Variants in KCNJ6 observed in about 807,000 individuals in gnomAD.
The protein encoded by KCNJ6 is G protein-activated inward rectifier potassium channel 2.
A neutral mutation model predicts 34.2 loss-of-function variants in KCNJ6; 9 were observed. The observed-to-expected ratio is 0.26, with a 90% CI of 0.16 to 0.46. The LOEUF (loss-of-function observed/expected upper bound fraction) is 0.46, where lower values mean the gene tolerates loss of function less well. Ranked by LOEUF, KCNJ6 falls within the 20% of genes least tolerant of loss-of-function variation. KCNJ6 has a pLI of 1.00. For missense variants in KCNJ6, 236 were observed against 531.3 expected, an observed-to-expected ratio of 0.44 and a Z score of 5.46; for synonymous variants, 196 against 207.1, an observed-to-expected ratio of 0.95 and a Z score of 0.46.
chr21:37,796,186 G>A (rs768721055), intron 2 of KCNJ6, among the ~76,000 whole-genome samples: 83 of 152,282 alleles, frequency 5.5e-4, no homozygotes, highest in Non-Finnish European at 1.1e-3. Context: ...CTGCGTGGAG[G>A]TGAAAAGGCG....
chr21:37,804,606 G>A (rs1274243437), intron 2 of KCNJ6, among the ~76,000 whole-genome samples: 1 of 152,024 alleles, frequency 6.6e-6, no homozygotes, highest in East Asian at 1.9e-4. Context: ...CTCCAGTAGA[G>A]GTTGTTCCCC....
At chr21:37,770,552 A>G (rs912800029) in intron 2 of KCNJ6, among the ~76,000 whole-genome samples, 1 of 152,188 alleles carries the variant, frequency 6.6e-6, no homozygotes, top group Non-Finnish European at 1.5e-5. Context: ...ATCTCTTAGT[A>G]CTATCAAGCC....
intron 1 of KCNJ6, among the ~76,000 whole-genome samples, chr21:37,893,267 G>A (rs1440897065): frequency 2.0e-5 from 3 of 151,874 alleles, no homozygotes; most frequent in African/African-American, 7.3e-5. Flanking sequence ...GAGTACAGTG[G>A]TGTGATCGCG....
At chr21:37,768,838 T>G (rs567673394) in intron 2 of KCNJ6, among the ~76,000 whole-genome samples, 1 of 152,304 alleles carries the variant, frequency 6.6e-6, no homozygotes, top group East Asian at 1.9e-4. Context: ...CACAAGTAAA[T>G]GGCAAAACGT....
intron 3 of KCNJ6, among the ~76,000 whole-genome samples, chr21:37,664,424 T>C (rs959498007): frequency 1.3e-5 from 2 of 152,078 alleles, no homozygotes; most frequent in Non-Finnish European, 2.9e-5. Context: ...GTAAGTGAAA[T>C]TGACCAATCC....
intron 2 of KCNJ6, among the ~76,000 whole-genome samples, chr21:37,819,799 CT>C (rs60678115): frequency 1.7e-4 from 26 of 148,610 alleles, no homozygotes; most frequent in South Asian, 1.1e-3. Context: ...GTTAAATACA[CT>C]TTTTTTTTTT....
At chr21:37,845,081 C>T (rs2055499911) in intron 1 of KCNJ6, among the ~76,000 whole-genome samples, 1 of 152,166 alleles carries the variant, frequency 6.6e-6, no homozygotes, top group Non-Finnish European at 1.5e-5. Flanking sequence ...TCCCCCATCC[C>T]TTACTCCCGC....
intron 3 of KCNJ6, among the ~76,000 whole-genome samples, chr21:37,666,316 G>A (rs944491925): frequency 6.6e-6 from 1 of 152,158 alleles, no homozygotes. Flanking sequence ...GCTGACCTGA[G>A]GCTGAGCTGA....
chr21:37,769,725 C>G (rs1399518718), intron 2 of KCNJ6, among the ~76,000 whole-genome samples: 2 of 152,146 alleles, frequency 1.3e-5, no homozygotes, highest in East Asian at 3.9e-4. Context: ...GGTGTTGAAA[C>G]TTAATGGCCA....
chr21:37,701,395 TTG>T (rs71198889), intron 3 of KCNJ6, among the ~76,000 whole-genome samples: 1 of 151,506 alleles, frequency 6.6e-6, no homozygotes, highest in African/African-American at 2.4e-5. Context: ...GGTTAACTTT[TTG>T]TGTGTGTGTG....
intron 1 of KCNJ6, among the ~76,000 whole-genome samples, chr21:37,859,638 C>T (rs1484949047): frequency 6.7e-6 from 1 of 150,368 alleles, no homozygotes; most frequent in Non-Finnish European, 1.5e-5. Flanking sequence ...TGTACTGTAT[C>T]TCAGTGGTAG....
intron 2 of KCNJ6, among the ~76,000 whole-genome samples, chr21:37,833,368 T>C (rs942782149): frequency 1.3e-5 from 2 of 152,158 alleles, no homozygotes; most frequent in Admixed American, 1.3e-4. Context: ...CTGGTGACCA[T>C]ACATCCTCCT....
rs188730249 is a variant in KCNJ6, at chr21:37,675,171, C to A, written c.946+39040G>T. Among the ~76,000 whole-genome samples the A allele has an allele frequency of 6.6e-6, 1 of 152,172 alleles. No individual in the cohort carries two copies. The highest frequency in any genetic ancestry group is 2.4e-5 in the African/African-American group (1 of 41,428). On this transcript the variant is annotated intron_variant, in intron 3 of 3. Transcript: ENST00000609713. The surrounding 1 kb of genome is among the most constrained non-coding windows in gnomAD (Gnocchi z 4.2). The stretch of plus-strand genomic sequence containing the variant: ...CTTTTATTTAATGTGATATTCCCAG[C>A]GTCTGGCAATGTAGCAGGGGCTCCG...
rs571844384 is a variant in KCNJ6, at chr21:37,781,313, C to T, written c.25+59345G>A. Among the ~76,000 whole-genome samples, 3 of 152,266 alleles carry T rather than the reference C, an allele frequency of 2.0e-5. No individual in the cohort carries two copies. In the South Asian group the frequency reaches 6.2e-4, roughly 32 times the overall value. On this transcript the variant is annotated intron_variant, in intron 2 of 3. Coordinates refer to ENST00000609713, the MANE Select transcript of KCNJ6 (RefSeq NM_002240.5). ...AATATTTTCGTGTGCCAGCATAATC[C>T]GAACTTTGGCAGAGGCTGGGGTAAG...
chr21:37,864,259 G>A lies in KCNJ6; in HGVS notation c.-27-23550C>T, dbSNP rs545631275. Among the ~76,000 whole-genome samples the A allele has an allele frequency of 8.5e-4, 130 of 152,082 alleles. 2 individuals are homozygous for A. Among genetic ancestry groups the A allele is most frequent in the East Asian group, 1.9e-4 (1 of 5,168 alleles). On this transcript the variant is annotated intron_variant, in intron 1 of 3. Coordinates refer to ENST00000609713, the MANE Select transcript of KCNJ6 (RefSeq NM_002240.5). ...CCCAAGTAGCTGGGACAACAAGTGT[G>A]CACCACCATGCCTGGTTAATTTTTG...
chr21:37,792,192 G>A (rs762064888), intron 2 of KCNJ6, among the ~76,000 whole-genome samples: 1 of 152,204 alleles, frequency 6.6e-6, no homozygotes, highest in Non-Finnish European at 1.5e-5. Context: ...GCAAATGCTT[G>A]TGCATCAGCT....
At chr21:37,810,174 A>T (rs2835978) in intron 2 of KCNJ6, among the ~76,000 whole-genome samples, 27,718 of 152,234 alleles carry the variant, frequency 0.18, 2,884 homozygotes, top group South Asian at 0.3. Context: ...GTAGGATCAT[A>T]TTATACATAA....
rs924841508 is a variant in KCNJ6 at position 37,772,988 on chromosome 21, G to A, written c.26-57857C>T. On this transcript the variant is annotated intron_variant, in intron 2 of 3. Coordinates refer to ENST00000609713, the MANE Select transcript of KCNJ6 (RefSeq NM_002240.5). Reference sequence around the variant, plus strand: ...GTCTTTTTCATATGGAATACATCAGGGAATTAATTAGTGGGGAGATCTATC... The same window carrying A: ...GTCTTTTTCATATGGAATACATCAGAGAATTAATTAGTGGGGAGATCTATC... 1.1e-4 allele frequency among the ~76,000 whole-genome samples: 16 copies of A among 152,272 alleles called. No individual in the cohort carries two copies. The Middle Eastern group carries it at 0.01, about 97-fold the overall frequency.
intron 3 of KCNJ6, among the ~76,000 whole-genome samples, chr21:37,709,405 T>G (rs959083028): frequency 6.6e-6 from 1 of 151,922 alleles, no homozygotes; most frequent in Non-Finnish European, 1.5e-5. Context: ...TCCCAGCTAC[T>G]CAGGAGGCTG....
Sources: allele counts gnomAD v4.1 joint callset (sites outside exome capture counted in the v4.1 genomes callset), GRCh38; gene constraint gnomAD v4.1.1; non-coding constraint Gnocchi (gnomAD v3.1); transcripts MANE v1.5; gene names NCBI Gene and HGNC (gene_info 2026-07-23, HGNC 2026-07-21).